CHAT: variants seen among roughly 807,000 people sequenced by gnomAD.
CHAT encodes the protein acetyl CoA:choline O-acetyltransferase.
CHAT carries 61 observed loss-of-function variants against 76.9 expected under a neutral mutation model. The observed-to-expected ratio is 0.79, with a 90% CI of 0.65 to 0.98. The LOEUF (loss-of-function observed/expected upper bound fraction) is 0.98. CHAT is among the 50% of genes least tolerant of loss of function. The pLI, the probability that CHAT is intolerant of heterozygous loss-of-function variation, is 0.00. For missense variants in CHAT, 946 were observed against 986.9 expected, an observed-to-expected ratio of 0.96 and a Z score of 0.56; for synonymous variants, 407 against 397.4, an observed-to-expected ratio of 1.02 and a Z score of -0.29.
intron 2 of CHAT, among the ~76,000 whole-genome samples, chr10:49,619,524 G>A (rs1405235157): frequency 3.3e-5 from 5 of 152,088 alleles, no homozygotes; most frequent in Non-Finnish European, 5.9e-5. Flanking sequence ...CCCTTTCTGG[G>A]GACAGAGCAC....
chr10:49,648,661 G>T, intron 9 of CHAT, 54 bp downstream of exon 9: 2 of 1,184,972 alleles, frequency 1.7e-6, no homozygotes, highest in Admixed American at 1.8e-5. Context: ...GTGGGTGGTC[G>T]CTGGGGGCTG....
At chr10:49,659,348 C>A (rs1590625050) in intron 13 of CHAT, among the ~76,000 whole-genome samples, 1 of 151,916 alleles carries the variant, frequency 6.6e-6, no homozygotes, top group African/African-American at 2.4e-5. Context: ...ATGTAGACTT[C>A]TAAAGTGAGA....
chr10:49,621,847 G>A (rs2889759), intron 4 of CHAT, among the ~76,000 whole-genome samples: 1 of 150,008 alleles, frequency 6.7e-6, no homozygotes, highest in Non-Finnish European at 1.5e-5. Flanking sequence ...CTCTCGGCAT[G>A]GGGCTGGGGG....
intron 7 of CHAT, among the ~76,000 whole-genome samples, chr10:49,636,876 G>C (rs1276224705): frequency 1.3e-5 from 2 of 152,134 alleles, no homozygotes; most frequent in African/African-American, 4.8e-5. Flanking sequence ...AATGCATTGT[G>C]GTAGTTTATA....
At chr10:49,649,761 C>A (rs1839810013) in intron 10 of CHAT, 125 bp downstream of exon 10, 2 of 980,542 alleles carry the variant, frequency 2.0e-6, no homozygotes, top group Non-Finnish European at 3.2e-6. Flanking sequence ...TTGGGCTCCA[C>A]CTCGTCCCCA....
chr10:49,621,115 T>A (rs562615553), intron 4 of CHAT, among the ~76,000 whole-genome samples: 1 of 152,378 alleles, frequency 6.6e-6, no homozygotes, highest in African/African-American at 2.4e-5. Flanking sequence ...GAAGGGCCTC[T>A]GGCCGCTAAT....
At chr10:49,615,066 G>A (rs955936114) in intron 1 of CHAT, among the ~76,000 whole-genome samples, 6 of 151,474 alleles carry the variant, frequency 4.0e-5, no homozygotes, top group Non-Finnish European at 7.4e-5. Context: ...AGGAAGAAGA[G>A]TTGGTAGGTG....
chr10:49,640,563 G>A (rs1839446603), intron 7 of CHAT, among the ~76,000 whole-genome samples: 2 of 152,188 alleles, frequency 1.3e-5, no homozygotes. Flanking sequence ...GAAAAGGACG[G>A]AGGGCTGGTT....
Position 49,616,673 on chromosome 10 carries a change from C to T in CHAT, c.387+71C>T. On this transcript the variant is annotated intron_variant, in intron 2 of 14. Transcript: ENST00000337653. ...ACATGCCCTTGCTTCTAGAACAGTC[C>T]TGAGTGGGACTGGCCCCCAGCATTT... 4 of 1,066,334 alleles carry T rather than the reference C, an allele frequency of 3.8e-6. No homozygotes were observed. The South Asian group carries it at 4.0e-5, about 11-fold the overall frequency. The allele number at this position is 1,066,334 out of a possible 1,614,324, so 66.1% of individuals were successfully genotyped here. A position where few individuals can be genotyped will look rare whatever the true frequency, so the allele number is the denominator to read the frequency against.
intron 10 of CHAT, 123 bp downstream of exon 10, chr10:49,649,759 C>T: frequency 2.0e-6 from 2 of 989,238 alleles, no homozygotes; most frequent in Non-Finnish European, 3.2e-6. Flanking sequence ...CCTTGGGCTC[C>T]ACCTCGTCCC....
chr10:49,613,384 C>T (rs142887143), upstream of CHAT, among the ~76,000 whole-genome samples: 5 of 152,304 alleles, frequency 3.3e-5, no homozygotes, highest in East Asian at 7.7e-4. Context: ...GAGCAGCGGC[C>T]CAGGACTGTC....
At chr10:49,644,633 G>GAC (rs1466495017) in intron 7 of CHAT, among the ~76,000 whole-genome samples, 1 of 152,188 alleles carries the variant, frequency 6.6e-6, no homozygotes, top group Non-Finnish European at 1.5e-5. Context: ...AGGGAAGAGA[G>GAC]GATGTCCCAA....
intron 1 of CHAT, among the ~76,000 whole-genome samples, chr10:49,615,589 T>C (rs1404738917): frequency 2.0e-5 from 3 of 152,198 alleles, no homozygotes; most frequent in African/African-American, 7.2e-5. Context: ...AAACCTCAGC[T>C]TTAGACTTGA....
chr10:49,619,984 G>A (rs1434222716), intron 3 of CHAT, 68 bp downstream of exon 3: 51 of 1,498,524 alleles, frequency 3.4e-5, no homozygotes, highest in Non-Finnish European at 4.5e-5. Flanking sequence ...GAGGGATCTC[G>A]GTGAGAGGCA....
intron 7 of CHAT, among the ~76,000 whole-genome samples, chr10:49,639,060 C>A (rs921279695): frequency 6.6e-6 from 1 of 152,074 alleles, no homozygotes; most frequent in East Asian, 1.9e-4. Context: ...TAGAGACAAA[C>A]CCTGTCTCTA....
At chr10:49,661,078 T>C (rs1458795942) in intron 13 of CHAT, among the ~76,000 whole-genome samples, 2 of 152,234 alleles carry the variant, frequency 1.3e-5, no homozygotes, top group East Asian at 3.8e-4. Flanking sequence ...GGACTGAGTC[T>C]ACAACTGTCT....
intron 13 of CHAT, among the ~76,000 whole-genome samples, chr10:49,656,570 T>A (rs1840043085): frequency 6.6e-6 from 1 of 152,138 alleles, no homozygotes; most frequent in Non-Finnish European, 1.5e-5. Context: ...AAGAGAGGCT[T>A]GTCAGGCAGA....
chr10:49,626,505 C>A (rs780357339), intron 6 of CHAT, among the ~76,000 whole-genome samples: 1 of 152,162 alleles, frequency 6.6e-6, no homozygotes, highest in Non-Finnish European at 1.5e-5. Flanking sequence ...CTCTGTGGAG[C>A]CCTGACATCT....
At chr10:49,644,282 C>G (rs771071150) in intron 7 of CHAT, among the ~76,000 whole-genome samples, 25 of 152,140 alleles carry the variant, frequency 1.6e-4, no homozygotes, top group Non-Finnish European at 2.6e-4. Context: ...GAGGTCCACG[C>G]AGGGATCTAG....
Sources: gnomAD v4.1 joint callset for allele counts (sites outside exome capture counted in the v4.1 genomes callset) on GRCh38, gnomAD v4.1.1 for gene constraint, MANE v1.5 for transcripts, NCBI Gene and HGNC (gene_info 2026-07-23, HGNC 2026-07-21) for gene names.